Variants in ZNF385A observed in about 807,000 individuals in gnomAD.
ZNF385A encodes the protein hematopoietic zinc finger protein.
Under a neutral mutation model 32.1 loss-of-function variants are expected in ZNF385A, and 14 were observed. That is an observed-to-expected ratio of 0.44 (90% CI 0.29 to 0.68). ZNF385A has a LOEUF of 0.68. Among genes scored for constraint, ZNF385A ranks in the 30% least tolerant of loss-of-function variants. The probability of loss-of-function intolerance (pLI) is 0.14; values close to 1 mark genes in which losing one functional copy is unlikely to be tolerated. For synonymous variants in ZNF385A, 197 were observed against 202.7 expected (o/e 0.97, Z 0.24); for missense variants, 406 against 478.4 (o/e 0.85, Z 1.41).
intron 3 of ZNF385A, 108 bp downstream of exon 3, chr12:54,373,865 A>C: frequency 8.1e-7 from 1 of 1,228,368 alleles, no homozygotes; most frequent in Non-Finnish European, 1.1e-6. Flanking sequence ...GGGTGGGGGT[A>C]TAGGGACTGA....
At position 54,370,935 on chromosome 12, in the gene ZNF385A, G is replaced by T; in HGVS notation, c.766C>A (p.Leu256Met). 1 of 1,614,210 alleles carries T rather than the reference G, an allele frequency of 6.2e-7. No individual in the cohort carries two copies. The highest frequency in any genetic ancestry group is 8.5e-7 in the Non-Finnish European group (1 of 1,180,024). ...CNVKVNSEVQ[L>M]KQHISSRRHR... ...AAGGGCCTTAGACCCACCTGTTTCA[G>T]TTGGACCTCCGAGTTGACCTTGACA... Residue 256 changes from leucine (L) to methionine (M), a missense_variant, in exon 5 of 7, where the codon CTG becomes ATG. Transcript: ENST00000394313. The surrounding 1 kb of genome is among the most constrained non-coding windows in gnomAD (Gnocchi z 5.5).
In ZNF385A at chr12:54,375,895, G is replaced by A. The variant is rs542680871; in HGVS notation, c.147C>T (p.Thr49=). 8 of 1,614,148 alleles carry A rather than the reference G, an allele frequency of 5.0e-6. No individual in the cohort carries two copies. In the South Asian group the frequency reaches 8.8e-5, roughly 18 times the overall value. ...SHTFGGPLLK[T]KRPVISCNIC... is the part of the protein sequence containing the mutation. ...TATTACAGGAAATGACGGGCCGCTT[G>A]GTCTTGAGCAAGGGTCCCCCAAAAG... The change falls in exon 2 of 7, where the codon ACC becomes ACT. Residue 49 remains threonine, a synonymous_variant. Transcript: ENST00000394313.
chr12:54,380,308 C>A (rs114939042), intron 1 of ZNF385A, among the ~76,000 whole-genome samples: 1 of 152,210 alleles, frequency 6.6e-6, no homozygotes, highest in African/African-American at 2.4e-5. Flanking sequence ...ATCTTCACAA[C>A]CACTATTTGA....
intron 1 of ZNF385A, among the ~76,000 whole-genome samples, chr12:54,377,812 C>T (rs1254737529): frequency 3.3e-5 from 5 of 152,158 alleles, no homozygotes; most frequent in Non-Finnish European, 7.3e-5. Flanking sequence ...CAAACAGAAA[C>T]TCAAGTTGGG....
At position 54,370,762 on chromosome 12, in the gene ZNF385A, A is replaced by G; in HGVS notation, c.775-41T>C. The G allele has an allele frequency of 1.3e-6, 2 of 1,577,250 alleles. No individual in the cohort carries two copies. Among genetic ancestry groups the G allele is most frequent in the Admixed American group, 1.8e-5 (1 of 55,476 alleles). Reference sequence around the variant, plus strand: ...GATAGGGGGCTGTGAGCTCCCGGAAAGGGGCAACAGCGAGGGAGTATAATC... The same window carrying G: ...GATAGGGGGCTGTGAGCTCCCGGAAGGGGGCAACAGCGAGGGAGTATAATC... On this transcript the variant is annotated intron_variant, in intron 5 of 6. Transcript: ENST00000394313. This position sits in a 1 kb window ranked among gnomAD's most constrained non-coding sequence, Gnocchi z 5.5.
chr12:54,371,738 G>T (rs777307408), intron 3 of ZNF385A, 23 bp from the exon 4 acceptor site: 10 of 1,610,880 alleles, frequency 6.2e-6, no homozygotes, highest in Non-Finnish European at 8.5e-6. Context: ...GAGAAACATG[G>T]GGATCACCCT....
Position 54,384,621 on chromosome 12 carries a change from C to T in ZNF385A, c.-107G>A, listed in dbSNP as rs1193800568. The T allele has an allele frequency of 6.3e-6, 9 of 1,423,678 alleles. No individual in the cohort carries two copies. Among genetic ancestry groups the T allele is most frequent in the Non-Finnish European group, 8.2e-6 (9 of 1,092,144 alleles). The allele number at this position is 1,423,678 out of a possible 1,614,324, so 88.2% of individuals were successfully genotyped here. ...GGAAGATTAAAGCTTGGGAACCCCACCCAAGCCTGCCAGTCCCACTCCCTA... is the reference window on the plus strand; with the variant it reads ...GGAAGATTAAAGCTTGGGAACCCCATCCAAGCCTGCCAGTCCCACTCCCTA... On this transcript the variant is annotated 5_prime_UTR_variant, in exon 1 of 7. It adds an upstream start codon to the 5' untranslated region. Transcript: ENST00000394313.
At chr12:54,386,429 G>A (rs1220921879), upstream of ZNF385A, among the ~76,000 whole-genome samples, 3 of 152,124 alleles carry the variant, frequency 2.0e-5, no homozygotes, top group Non-Finnish European at 4.4e-5. Context: ...AGAGAACAGA[G>A]ACAGCGAGAA....
chr12:54,390,238 T>A (rs1403108648), intron 1 of ZNF385A, among the ~76,000 whole-genome samples: 1 of 151,254 alleles, frequency 6.6e-6, no homozygotes, highest in Non-Finnish European at 1.5e-5. Context: ...AGGGCAGAGG[T>A]CAGAGCAGGC....
intron 3 of ZNF385A, 148 bp from the exon 4 acceptor site, chr12:54,371,863 AGAGC>A: frequency 8.3e-7 from 1 of 1,199,732 alleles, no homozygotes; most frequent in Non-Finnish European, 1.2e-6. Flanking sequence ...GCCCTGGTCC[AGAGC>A]CAGATGTGGT....
intron 1 of ZNF385A, chr12:54,378,931 G>C (rs1006126738): frequency 6.6e-6 from 3 of 452,268 alleles, no homozygotes; most frequent in Non-Finnish European, 8.8e-6. Flanking sequence ...GCGCCGATGT[G>C]GGGGATGGGC....
In ZNF385A at chr12:54,376,778, C is replaced by T. The variant is rs753741921; in HGVS notation, c.88-824G>A. On this transcript the variant is annotated intron_variant, in intron 1 of 6. Transcript: ENST00000394313. Reference sequence around the variant, plus strand: ...GAGTTCACATGAGTAAGGGAGAGGACGGGAGTTTCTCTGAGGCTTTCTGCT... The same window carrying T: ...GAGTTCACATGAGTAAGGGAGAGGATGGGAGTTTCTCTGAGGCTTTCTGCT... Among the ~76,000 whole-genome samples the T allele has an allele frequency of 5.3e-5, 8 of 152,300 alleles. 1 individual carries two copies. Among genetic ancestry groups the T allele is most frequent in the East Asian group, 1.9e-4 (1 of 5,180 alleles).
At chr12:54,376,625 A>C (rs1199876543) in intron 1 of ZNF385A, among the ~76,000 whole-genome samples, 1 of 152,232 alleles carries the variant, frequency 6.6e-6, no homozygotes, top group Non-Finnish European at 1.5e-5. Flanking sequence ...GAGGCAGCCC[A>C]GGGATCTTCT....
chr12:54,384,485 G>T lies in ZNF385A; in HGVS notation c.30C>A (p.Ile10=). MQPPLDLKQ[I]LPFPLEPAPT... is the part of the protein sequence containing the mutation. The stretch of plus-strand genomic sequence containing the variant: ...GGGCTGGCTCGAGTGGGAAGGGCAG[G>T]ATCTGCTTGAGGTCCAGTGGGGGCT... Residue 10 remains isoleucine, a synonymous_variant, in exon 1 of 7, where the codon ATC becomes ATA. Coordinates refer to ENST00000394313, the MANE Select transcript of ZNF385A (RefSeq NM_015481.3). 1 of 1,583,742 alleles carries T rather than the reference G, an allele frequency of 6.3e-7. No homozygotes were observed. The highest frequency in any genetic ancestry group is 1.2e-5 in the South Asian group (1 of 86,948).
At chr12:54,375,027 C>T (rs1384058686) in intron 2 of ZNF385A, among the ~76,000 whole-genome samples, 1 of 151,968 alleles carries the variant, frequency 6.6e-6, no homozygotes, top group Admixed American at 6.6e-5. Flanking sequence ...GATTGACAGC[C>T]CAGGGGTAAA....
intron 1 of ZNF385A, among the ~76,000 whole-genome samples, chr12:54,378,453 G>C (rs1185609268): frequency 2.6e-5 from 4 of 152,126 alleles, no homozygotes; most frequent in Admixed American, 2.6e-4. Flanking sequence ...GCTCCCTGAC[G>C]CTGGGGCAAA....
chr12:54,390,025 C>T (rs763642107), intron 1 of ZNF385A, among the ~76,000 whole-genome samples: 16 of 152,030 alleles, frequency 1.1e-4, no homozygotes, highest in South Asian at 6.2e-4. Context: ...CAGGGATAGG[C>T]GGTGAAATGA....
intron 4 of ZNF385A, 37 bp from the exon 5 acceptor site, chr12:54,371,133 G>A (rs1368410037): frequency 3.2e-6 from 5 of 1,547,424 alleles, no homozygotes; most frequent in African/African-American, 1.4e-5. Flanking sequence ...AGGGGTGGAA[G>A]AAAAATTATC....
chr12:54,381,663 A>G (rs1212435574), intron 1 of ZNF385A, among the ~76,000 whole-genome samples: 4 of 152,178 alleles, frequency 2.6e-5, no homozygotes, highest in Non-Finnish European at 5.9e-5. Context: ...GCACTTTCTC[A>G]AATGCTCCTT....
Sources: allele counts gnomAD v4.1 joint callset (sites outside exome capture counted in the v4.1 genomes callset), GRCh38; gene constraint gnomAD v4.1.1; non-coding constraint Gnocchi (gnomAD v3.1); transcripts MANE v1.5; gene names NCBI Gene and HGNC (gene_info 2026-07-23, HGNC 2026-07-21).